The following PAM variants were observed in gnomAD, a reference collection of about 807,000 sequenced individuals.
PAM encodes peptidyl-glycine alpha-amidating monooxygenase.
PAM carries 72 observed loss-of-function variants against 122.1 expected under a neutral mutation model. The ratio of observed to expected loss-of-function variants is 0.59; its 90% CI spans 0.49 to 0.72. PAM has a LOEUF of 0.72. PAM is among the 30% of genes least tolerant of loss of function. PAM has a pLI of 0.00. For synonymous variants in PAM, 389 were observed against 404.4 expected (o/e 0.96, Z 0.46); for missense variants, 1,106 against 1,183.7 (o/e 0.93, Z 0.96).
intron 14 of PAM, among the ~76,000 whole-genome samples, chr5:102,963,101 A>T (rs1036219923): frequency 6.6e-6 from 1 of 151,918 alleles, no homozygotes; most frequent in Non-Finnish European, 1.5e-5. Context: ...TTAAAATGTC[A>T]TCTCTAATGA....
chr5:103,028,738 C>T (rs111487496), intron 25 of PAM, 149 bp from the exon 26 acceptor site: 160 of 588,244 alleles, frequency 2.7e-4, no homozygotes, highest in African/African-American at 2.2e-3. Context: ...CTGTAGGATA[C>T]GTCTCTGTCT....
At chr5:102,920,473 C>G (rs1747031883) in intron 5 of PAM, among the ~76,000 whole-genome samples, 1 of 151,996 alleles carries the variant, frequency 6.6e-6, no homozygotes, top group South Asian at 2.1e-4. Flanking sequence ...TTCTTAATCA[C>G]CATTCTAATT....
chr5:102,833,068 T>TA (rs1775913660), intron 1 of PAM, among the ~76,000 whole-genome samples: 1 of 152,132 alleles, frequency 6.6e-6, no homozygotes, highest in African/African-American at 2.4e-5. Flanking sequence ...ATTTAGTCAA[T>TA]ACCTGAAAAT....
intron 1 of PAM, among the ~76,000 whole-genome samples, chr5:102,836,859 C>CGAGAGAGAGA (rs57617414): frequency 0.013 from 1,547 of 120,782 alleles, 80 homozygotes; most frequent in African/African-American, 0.041. Context: ...AGAAAGAAAC[C>CGAGAGAGAGA]GAGAGAGAGA....
rs551899506 is a variant in PAM, at chr5:102,937,683, A to T, written c.527-9154A>T. ...CAGGCCTCACCCTTCCGTTTTACAG[A>T]AATGAAGATCGATGCTCAGAAAGGT... On this transcript the variant is annotated intron_variant, in intron 7 of 25. Transcript: ENST00000438793. 2.0e-5 allele frequency among the ~76,000 whole-genome samples: 3 copies of T among 152,276 alleles called. No homozygotes were observed. The South Asian group carries it at 6.2e-4, about 32-fold the overall frequency.
chr5:102,913,414 AT>A (rs1300605569), intron 4 of PAM, among the ~76,000 whole-genome samples: 2 of 151,650 alleles, frequency 1.3e-5, no homozygotes, highest in Non-Finnish European at 2.9e-5. Flanking sequence ...TTCCACTTTT[AT>A]TTTTCTTTCC....
intron 1 of PAM, among the ~76,000 whole-genome samples, chr5:102,779,234 ATG>A (rs911965683): frequency 2.0e-5 from 3 of 149,630 alleles, no homozygotes; most frequent in African/African-American, 7.4e-5. Context: ...GTGTATATAT[ATG>A]TGTATATATA....
intron 1 of PAM, among the ~76,000 whole-genome samples, chr5:102,788,840 G>A (rs1226955596): frequency 6.6e-6 from 1 of 152,094 alleles, no homozygotes; most frequent in Non-Finnish European, 1.5e-5. Context: ...GAGTGTTGTG[G>A]TGGCATTATT....
At chr5:102,950,678 G>T in intron 11 of PAM, 39 bp from the exon 12 acceptor site, 1 of 1,181,028 alleles carries the variant, frequency 8.5e-7, no homozygotes, top group South Asian at 1.2e-5. Flanking sequence ...GGATTTTATT[G>T]GTAATATTAA....
chr5:102,908,425 CT>C (rs1395567864), intron 4 of PAM, among the ~76,000 whole-genome samples: 1 of 151,862 alleles, frequency 6.6e-6, no homozygotes, highest in Non-Finnish European at 1.5e-5. Flanking sequence ...CAGCTTTGTT[CT>C]TTTGGCTTAG....
At chr5:102,806,958 T>C (rs1376552472) in intron 1 of PAM, among the ~76,000 whole-genome samples, 1 of 152,214 alleles carries the variant, frequency 6.6e-6, no homozygotes, top group Non-Finnish European at 1.5e-5. Context: ...AAGGGAAACA[T>C]TAAAAGGTAG....
intron 1 of PAM, among the ~76,000 whole-genome samples, chr5:102,780,466 A>G (rs1441766440): frequency 3.3e-5 from 5 of 152,108 alleles, no homozygotes; most frequent in African/African-American, 1.2e-4. Context: ...TGTAAAATGG[A>G]TTTGGGTCGT....
intron 1 of PAM, among the ~76,000 whole-genome samples, chr5:102,819,906 G>A (rs467897): frequency 0.78 from 118,259 of 152,120 alleles, 46,970 homozygotes; most frequent in African/African-American, 0.94. Context: ...ACACATCAGC[G>A]CCATCTGCCT....
chr5:102,767,707 T>C (rs923504717), intron 1 of PAM, among the ~76,000 whole-genome samples: 2 of 152,194 alleles, frequency 1.3e-5, no homozygotes, highest in Non-Finnish European at 2.9e-5. Flanking sequence ...ATTAAATTGC[T>C]TCATTATTAT....
chr5:102,922,168 G>A (rs1290143911), intron 5 of PAM, among the ~76,000 whole-genome samples: 1 of 151,164 alleles, frequency 6.6e-6, no homozygotes, highest in Non-Finnish European at 1.5e-5. Context: ...GTTTCATGCC[G>A]GGACTTCAGC....
downstream of PAM, chr5:103,030,529 T>A (rs1165919950): frequency 6.6e-6 from 1 of 152,216 alleles, no homozygotes; most frequent in African/African-American, 2.4e-5. Context: ...ACGGTAAGTC[T>A]GCTAGGGCAT....
intron 1 of PAM, among the ~76,000 whole-genome samples, chr5:102,765,086 A>G (rs965478687): frequency 6.6e-6 from 1 of 152,138 alleles, no homozygotes; most frequent in South Asian, 2.1e-4. Flanking sequence ...GCTTACCTGG[A>G]TCACAGAACC....
chr5:102,953,840 C>A (rs955488784), intron 12 of PAM, among the ~76,000 whole-genome samples: 1 of 152,028 alleles, frequency 6.6e-6, no homozygotes, highest in Non-Finnish European at 1.5e-5. Flanking sequence ...ATGGTGAAAC[C>A]CCATCTCTAC....
chr5:103,012,606 G>T (rs1283284362), intron 21 of PAM, among the ~76,000 whole-genome samples: 1 of 152,100 alleles, frequency 6.6e-6, no homozygotes, highest in Non-Finnish European at 1.5e-5. Flanking sequence ...TGTAATCCCA[G>T]CACTTTGGCA....
Sources: gnomAD v4.1 joint callset for allele counts (sites outside exome capture counted in the v4.1 genomes callset) on GRCh38, gnomAD v4.1.1 for gene constraint, MANE v1.5 for transcripts, NCBI Gene and HGNC (gene_info 2026-07-23, HGNC 2026-07-21) for gene names.